The following ARHGAP19 variants were observed in gnomAD, a reference collection of about 807,000 sequenced individuals.
ARHGAP19 encodes rho GTPase-activating protein 19.
In ARHGAP19, 48 loss-of-function variants were observed where a neutral mutation model predicts 60.9. That is an observed-to-expected ratio of 0.79 (90% CI 0.62 to 1.00). ARHGAP19 has a LOEUF of 1.00. ARHGAP19 is among the 50% of genes least tolerant of loss of function. The pLI is 0.00. For synonymous variants in ARHGAP19, 209 were observed against 215.5 expected, an observed-to-expected ratio of 0.97 and a Z score of 0.27; for missense variants, 562 against 597.2, an observed-to-expected ratio of 0.94 and a Z score of 0.61.
At chr10:97,246,203 CTTTGT>C (rs778693718) in intron 7 of ARHGAP19, 64 bp downstream of exon 7, 11 of 1,281,374 alleles carry the variant, frequency 8.6e-6, no homozygotes, top group South Asian at 3.6e-5. Flanking sequence ...TGACTTCATA[CTTTGT>C]TTTAAGACTC....
intron 1 of ARHGAP19, among the ~76,000 whole-genome samples, chr10:97,288,629 A>G (rs1483935631): frequency 6.6e-6 from 1 of 151,844 alleles, no homozygotes; most frequent in Non-Finnish European, 1.5e-5. Flanking sequence ...TAATCCCTGC[A>G]GAGCAAGAGC....
chr10:97,285,975 G>A (rs1283654475), intron 1 of ARHGAP19, among the ~76,000 whole-genome samples: 1 of 152,152 alleles, frequency 6.6e-6, no homozygotes, highest in African/African-American at 2.4e-5. Flanking sequence ...AGTTTATGCA[G>A]ATTAATTTTA....
At chr10:97,280,617 T>A (rs892895731) in intron 1 of ARHGAP19, among the ~76,000 whole-genome samples, 16 of 151,942 alleles carry the variant, frequency 1.1e-4, no homozygotes, top group Admixed American at 1.0e-3. Context: ...AGGGTCTCAC[T>A]CTGTTGACCA....
Position 97,292,536 on chromosome 10 carries a change from C to A in ARHGAP19, c.56+36G>T, listed in dbSNP as rs573794273. ...GGCGGCAGGACTACCAGCCCAAGGC[C>A]GCGTTTCCCAGGAAACTGGACCAAA... On this transcript the variant is annotated intron_variant, in intron 1 of 11. Coordinates refer to ENST00000358531, the MANE Select transcript of ARHGAP19 (RefSeq NM_032900.6). 111 of 1,613,936 alleles carry A rather than the reference C, an allele frequency of 6.9e-5. 1 individual carries two copies. Among genetic ancestry groups the A allele is most frequent in the Non-Finnish European group, 9.1e-5 (107 of 1,179,816 alleles).
At chr10:97,245,070 A>G (rs898407519) in intron 7 of ARHGAP19, among the ~76,000 whole-genome samples, 2 of 152,036 alleles carry the variant, frequency 1.3e-5, no homozygotes, top group Admixed American at 6.6e-5. Context: ...CAGTGTCACC[A>G]TCTTGGCTCA....
At chr10:97,243,619 C>T (rs1380392030) in intron 8 of ARHGAP19, among the ~76,000 whole-genome samples, 1 of 152,182 alleles carries the variant, frequency 6.6e-6, no homozygotes, top group South Asian at 2.1e-4. Context: ...TACCATTTTA[C>T]AAACAAAACT....
At chr10:97,265,802 A>G in intron 2 of ARHGAP19, 58 bp downstream of exon 2, 1 of 1,568,102 alleles carries the variant, frequency 6.4e-7, no homozygotes, top group Non-Finnish European at 8.6e-7. Context: ...GTAGATGTTG[A>G]GAGAGAAGCC....
intron 2 of ARHGAP19, 44 bp downstream of exon 2, chr10:97,265,816 G>A: frequency 6.3e-7 from 1 of 1,586,306 alleles, no homozygotes; most frequent in Non-Finnish European, 8.6e-7. Flanking sequence ...AGAAGCCCAG[G>A]GAGCAGCTGA....
At chr10:97,285,519 C>CTTTTT (rs1245251335) in intron 1 of ARHGAP19, among the ~76,000 whole-genome samples, 4 of 110,918 alleles carry the variant, frequency 3.6e-5, no homozygotes, top group South Asian at 3.1e-4. Context: ...TTTTTTTTTG[C>CTTTTT]TTTTTTTTTT....
intron 1 of ARHGAP19, among the ~76,000 whole-genome samples, chr10:97,284,269 T>C (rs1843124868): frequency 1.3e-5 from 2 of 152,148 alleles, no homozygotes; most frequent in South Asian, 4.1e-4. Context: ...ATTACAGATG[T>C]GCGACACCAT....
intron 11 of ARHGAP19, among the ~76,000 whole-genome samples, chr10:97,227,302 G>A (rs534964321): frequency 5.2e-4 from 79 of 152,258 alleles, no homozygotes; most frequent in African/African-American, 1.8e-3. Flanking sequence ...TGGATCTGTG[G>A]GCTTGGAGAC....
intron 1 of ARHGAP19, among the ~76,000 whole-genome samples, chr10:97,285,719 C>A (rs1436652441): frequency 6.6e-6 from 1 of 152,022 alleles, no homozygotes; most frequent in African/African-American, 2.4e-5. Flanking sequence ...AGGGTTTCAC[C>A]ATGTTGGCCA....
At chr10:97,286,256 G>A (rs751772694) in intron 1 of ARHGAP19, among the ~76,000 whole-genome samples, 1 of 152,128 alleles carries the variant, frequency 6.6e-6, no homozygotes, top group Non-Finnish European at 1.5e-5. Context: ...CATTTTTCTC[G>A]AAGGAACACA....
chr10:97,284,765 C>T (rs959397246), intron 1 of ARHGAP19, among the ~76,000 whole-genome samples: 1 of 151,724 alleles, frequency 6.6e-6, no homozygotes, highest in Non-Finnish European at 1.5e-5. Context: ...CCTCAGCCTC[C>T]CAAAGTGGTA....
chr10:97,225,966 G>C lies in ARHGAP19; in HGVS notation c.*156C>G. On this transcript the variant is annotated 3_prime_UTR_variant, in exon 12 of 12. Transcript: ENST00000358531. ...CTTGCAAACATCATCCAGTGAGTGG[G>C]GTTAGAGGTATCAGTCGGGTCACGG... The C allele has an allele frequency of 1.4e-6, 1 of 700,666 alleles. No homozygotes were observed. The highest frequency in any genetic ancestry group is 2.4e-6 in the Non-Finnish European group (1 of 412,488). The allele number at this position is 700,666 out of a possible 1,614,324, so 43.4% of individuals were successfully genotyped here.
At chr10:97,251,309 G>A (rs1160622537) in intron 6 of ARHGAP19, among the ~76,000 whole-genome samples, 3 of 53,402 alleles carry the variant, frequency 5.6e-5, no homozygotes, top group African/African-American at 2.5e-4. Flanking sequence ...GGAAAAGGAA[G>A]GGAAGGGGAA....
chr10:97,274,129 G>C (rs928435947), intron 1 of ARHGAP19, among the ~76,000 whole-genome samples: 1 of 152,110 alleles, frequency 6.6e-6, no homozygotes, highest in Non-Finnish European at 1.5e-5. Flanking sequence ...TCAGGATAAT[G>C]GTTACCTTTT....
intron 1 of ARHGAP19, among the ~76,000 whole-genome samples, chr10:97,268,556 A>G (rs1842925974): frequency 1.3e-5 from 2 of 152,184 alleles, no homozygotes; most frequent in African/African-American, 2.4e-5. Flanking sequence ...ACAGTTCCAC[A>G]TGGCTAGGGA....
At chr10:97,234,670 G>A (rs1013808668) in intron 9 of ARHGAP19, among the ~76,000 whole-genome samples, 1 of 151,444 alleles carries the variant, frequency 6.6e-6, no homozygotes, top group Non-Finnish European at 1.5e-5. Flanking sequence ...CATGGTGATA[G>A]CAGCAATAAC....
Sources: gnomAD v4.1 joint callset for allele counts (sites outside exome capture counted in the v4.1 genomes callset) on GRCh38, gnomAD v4.1.1 for gene constraint, MANE v1.5 for transcripts, NCBI Gene and HGNC (gene_info 2026-07-23, HGNC 2026-07-21) for gene names.